The following CPLX2 variants were observed in gnomAD, a reference collection of about 807,000 sequenced individuals.
CPLX2 encodes complexin-2.
Under a neutral mutation model 16.3 loss-of-function variants are expected in CPLX2, and 5 were observed. The observed-to-expected ratio is 0.31, with a 90% CI of 0.16 to 0.64. The LOEUF is 0.64. CPLX2 is among the 30% of genes least tolerant of loss of function. The pLI is 0.79. For missense variants in CPLX2, 144 were observed against 181.4 expected, an observed-to-expected ratio of 0.79 and a Z score of 1.18; for synonymous variants, 89 against 73.2, an observed-to-expected ratio of 1.22 and a Z score of -1.10.
chr5:175,873,714 A>G (rs1157015987), intron 1 of CPLX2, among the ~76,000 whole-genome samples: 2 of 152,204 alleles, frequency 1.3e-5, no homozygotes, highest in Non-Finnish European at 2.9e-5. Context: ...ATGATGTTAG[A>G]TAATATGTAC....
chr5:175,813,630 G>C (rs1010236997), intron 2 of CPLX2, among the ~76,000 whole-genome samples: 29 of 152,268 alleles, frequency 1.9e-4, no homozygotes, highest in Non-Finnish European at 1.8e-4. Context: ...TGTGGCCAGG[G>C]AGCTGGCCAC....
At chr5:175,835,890 C>A (rs1260985861) in intron 2 of CPLX2, among the ~76,000 whole-genome samples, 2 of 151,646 alleles carry the variant, frequency 1.3e-5, no homozygotes, top group Non-Finnish European at 2.9e-5. Flanking sequence ...AGGTGTGCAC[C>A]ATCACGCCTA....
Position 175,866,115 on chromosome 5 carries a change from G to A in CPLX2, c.-88-12537G>A, listed in dbSNP as rs193020903. Among the ~76,000 whole-genome samples, 237 of 152,328 alleles carry A rather than the reference G, an allele frequency of 1.6e-3. 3 individuals carry two copies. In the Middle Eastern group the frequency reaches 0.017, roughly 11 times the overall value. On this transcript the variant is annotated intron_variant, in intron 2 of 4. Transcript: ENST00000359546. The stretch of plus-strand genomic sequence containing the variant: ...AGGAAAAGGGACCAAGCGTCCTGAG[G>A]GTGGACAGACACTCAGGAGGGGGAC...
intron 2 of CPLX2, among the ~76,000 whole-genome samples, chr5:175,837,273 G>A (rs1158274858): frequency 3.3e-5 from 5 of 152,188 alleles, no homozygotes; most frequent in African/African-American, 1.2e-4. Flanking sequence ...GTCTCTGCAC[G>A]GCTCCCCGCA....
chr5:175,812,700 A>T (rs920461070), intron 2 of CPLX2, among the ~76,000 whole-genome samples: 1 of 152,160 alleles, frequency 6.6e-6, no homozygotes, highest in African/African-American at 2.4e-5. Context: ...TGTGAGCTTG[A>T]AATAATGTTC....
At chr5:175,871,115 G>A (rs1444480262), upstream of CPLX2, among the ~76,000 whole-genome samples, 4 of 152,048 alleles carry the variant, frequency 2.6e-5, no homozygotes, top group African/African-American at 7.2e-5. Context: ...ACCAAGGAGG[G>A]CTTTCCCAAG....
At chr5:175,859,380 T>C (rs1759320577) in intron 2 of CPLX2, among the ~76,000 whole-genome samples, 1 of 152,138 alleles carries the variant, frequency 6.6e-6, no homozygotes, top group Admixed American at 6.5e-5. Flanking sequence ...TTGATGATCA[T>C]AGCTCTGAGA....
chr5:175,847,695 G>A (rs1373431474), intron 2 of CPLX2, among the ~76,000 whole-genome samples: 1 of 152,166 alleles, frequency 6.6e-6, no homozygotes, highest in African/African-American at 2.4e-5. Context: ...ATGAGAAGGC[G>A]GCTGCAGAAC....
chr5:175,810,083 A>T (rs948525907), intron 2 of CPLX2, among the ~76,000 whole-genome samples: 9 of 152,198 alleles, frequency 5.9e-5, no homozygotes, highest in Non-Finnish European at 1.0e-4. Flanking sequence ...CTGTTCACAA[A>T]TGAGAGGTGG....
chr5:175,854,802 G>A (rs546360432), intron 2 of CPLX2, among the ~76,000 whole-genome samples: 32 of 152,236 alleles, frequency 2.1e-4, no homozygotes, highest in African/African-American at 7.5e-4. Flanking sequence ...AGTCAAACAG[G>A]TGTACCATGA....
chr5:175,820,956 A>T (rs1758497209), intron 2 of CPLX2, among the ~76,000 whole-genome samples: 3 of 152,164 alleles, frequency 2.0e-5, no homozygotes, highest in Admixed American at 2.0e-4. Flanking sequence ...AGGAACTCCC[A>T]GGCCTGCTGC....
chr5:175,821,596 C>T (rs1304636879), intron 2 of CPLX2, among the ~76,000 whole-genome samples: 8 of 151,926 alleles, frequency 5.3e-5, no homozygotes, highest in South Asian at 2.1e-4. Context: ...TTAGTAGAGA[C>T]GGGATTTCAC....
intron 1 of CPLX2, among the ~76,000 whole-genome samples, chr5:175,875,240 G>A (rs1234631364): frequency 6.6e-6 from 1 of 152,118 alleles, no homozygotes; most frequent in Non-Finnish European, 1.5e-5. Flanking sequence ...TAGGGAAGGA[G>A]TTAGAGAAGG....
In CPLX2 at chr5:175,845,084, C is replaced by T. The variant is rs1268288817; in HGVS notation, c.-88-33568C>T. 1.3e-5 allele frequency among the ~76,000 whole-genome samples: 2 copies of T among 152,194 alleles called. No homozygotes were observed. The highest frequency in any genetic ancestry group is 1.9e-4 in the East Asian group (1 of 5,192). On this transcript the variant is annotated intron_variant, in intron 2 of 4. Coordinates refer to the CPLX2 transcript ENST00000359546. This position sits in a 1 kb window ranked among gnomAD's most constrained non-coding sequence, Gnocchi z 4.0. ...CAGATGGTGACCCAAGAGAGCCTTCCGTGCCCATGGAAGCACTTGCCTGCA... is the reference window on the plus strand; with the variant it reads ...CAGATGGTGACCCAAGAGAGCCTTCTGTGCCCATGGAAGCACTTGCCTGCA...
upstream of CPLX2, among the ~76,000 whole-genome samples, chr5:175,868,056 A>G (rs1469902986): frequency 6.6e-6 from 1 of 152,252 alleles, no homozygotes; most frequent in East Asian, 1.9e-4. Flanking sequence ...GGCTTAGGCT[A>G]GAATGACAGG....
At chr5:175,879,135 C>A in intron 3 of CPLX2, 52 bp downstream of exon 3, 3 of 1,519,326 alleles carry the variant, frequency 2.0e-6, no homozygotes, top group African/African-American at 1.4e-5. Flanking sequence ...CGGGTAAAAC[C>A]GGTCCAGCTA....
chr5:175,856,411 C>T (rs898013129), intron 2 of CPLX2, among the ~76,000 whole-genome samples: 12 of 152,156 alleles, frequency 7.9e-5, no homozygotes, highest in African/African-American at 2.9e-4. Flanking sequence ...AGTGACTTGC[C>T]TACAGTCACC....
intron 2 of CPLX2, among the ~76,000 whole-genome samples, chr5:175,821,622 A>G (rs1017306): frequency 0.16 from 24,557 of 152,062 alleles, 2,103 homozygotes; most frequent in Middle Eastern, 0.24. Context: ...TGGCCATGCT[A>G]GTCATGAATT....
At chr5:175,839,316 C>T (rs1043057295) in intron 2 of CPLX2, among the ~76,000 whole-genome samples, 1 of 151,946 alleles carries the variant, frequency 6.6e-6, no homozygotes, top group Non-Finnish European at 1.5e-5. Context: ...GAAGGAGTCT[C>T]GCTCTGTCAC....
Sources: gnomAD v4.1 joint callset for allele counts (sites outside exome capture counted in the v4.1 genomes callset) on GRCh38, gnomAD v4.1.1 for gene constraint, Gnocchi (gnomAD v3.1) non-coding constraint, MANE v1.5 for transcripts, NCBI Gene and HGNC (gene_info 2026-07-23, HGNC 2026-07-21) for gene names.